Variants in TTC6 observed in about 807,000 individuals in gnomAD.
The protein encoded by TTC6 is tetratricopeptide repeat protein 6.
In TTC6, 172 loss-of-function variants were observed where a neutral mutation model predicts 210.4. The observed-to-expected ratio is 0.82, with a 90% CI of 0.72 to 0.93. TTC6 has a LOEUF of 0.93. Among genes scored for constraint, TTC6 ranks in the 40% least tolerant of loss-of-function variants. TTC6 has a pLI of 0.00. For missense variants in TTC6, 2,414 were observed against 2,318.1 expected, an observed-to-expected ratio of 1.04 and a Z score of -0.85; for synonymous variants, 804 against 819.6, an observed-to-expected ratio of 0.98 and a Z score of 0.32.
chr14:37,696,711 T>C lies in TTC6; in HGVS notation c.1258-6T>C. On this transcript the variant is annotated splice_polypyrimidine_tract_variant and splice_region_variant and intron_variant, in intron 3 of 30. Coordinates refer to ENST00000553443, the Ensembl canonical transcript of TTC6. ...TCTTAACAGCACACTTTATATTTTC[T>C]TAAAGGCAAAATCACCAGAATTCTT... is the stretch of plus-strand genomic sequence containing the variant. 1 of 1,417,980 alleles carries C rather than the reference T, an allele frequency of 7.1e-7. No homozygotes were observed. Among genetic ancestry groups the C allele is most frequent in the Non-Finnish European group, 9.2e-7 (1 of 1,081,416 alleles). The allele number at this position is 1,417,980 out of a possible 1,614,324, so 87.8% of individuals were successfully genotyped here.
intron 1 of TTC6, among the ~76,000 whole-genome samples, chr14:37,602,480 A>C (rs2095617509): frequency 6.6e-6 from 1 of 152,154 alleles, no homozygotes; most frequent in Admixed American, 6.5e-5. Flanking sequence ...CCACGAAAGC[A>C]GGAGTTGGGG....
intron 7 of TTC6, among the ~76,000 whole-genome samples, chr14:37,735,536 A>T (rs1213088153): frequency 6.6e-6 from 1 of 152,224 alleles, no homozygotes; most frequent in Non-Finnish European, 1.5e-5. Flanking sequence ...GCTTGTATTT[A>T]AAAATGAATA....
intron 15 of TTC6, among the ~76,000 whole-genome samples, chr14:37,789,924 T>A (rs2096075708): frequency 1.3e-5 from 2 of 151,996 alleles, no homozygotes; most frequent in South Asian, 4.1e-4. Flanking sequence ...TAAGGCAGAA[T>A]GTCATGAGAA....
At chr14:37,765,788 C>T (rs1237854412) in intron 14 of TTC6, among the ~76,000 whole-genome samples, 2 of 152,038 alleles carry the variant, frequency 1.3e-5, no homozygotes, top group Non-Finnish European at 2.9e-5. Context: ...ATTTCTCCTT[C>T]ATTTTTGAAG....
chr14:37,728,178 T>TAAC (rs3062803), intron 7 of TTC6, among the ~76,000 whole-genome samples: 103,286 of 151,670 alleles, frequency 0.68, 35,940 homozygotes, highest in East Asian at 0.89. Flanking sequence ...ATAATAGACT[T>TAAC]TATTATACTG....
chr14:37,775,808 G>C, intron 14 of TTC6, among the ~76,000 whole-genome samples: 1 of 151,952 alleles, frequency 6.6e-6, no homozygotes, highest in Non-Finnish European at 1.5e-5. Context: ...TCCTATGTTG[G>C]GTGCATATAT....
At chr14:37,666,784 G>A (rs1275169216) in intron 1 of TTC6, among the ~76,000 whole-genome samples, 1 of 150,356 alleles carries the variant, frequency 6.7e-6, no homozygotes, top group African/African-American at 2.4e-5. Context: ...AAGGTCCACA[G>A]CAATTCAGGG....
At chr14:37,680,629 G>A (rs1026126867) in intron 2 of TTC6, among the ~76,000 whole-genome samples, 2 of 152,144 alleles carry the variant, frequency 1.3e-5, no homozygotes, top group African/African-American at 4.8e-5. Context: ...AGCATTGCAA[G>A]GGGAGAATTT....
chr14:37,615,360 G>A (rs954045094), intron 2 of TTC6, among the ~76,000 whole-genome samples: 2 of 151,838 alleles, frequency 1.3e-5, no homozygotes, highest in African/African-American at 2.4e-5. Flanking sequence ...TTCTCTCTTT[G>A]TCACTCAGGC....
At chr14:37,759,644 C>A (rs763961443) in intron 14 of TTC6, among the ~76,000 whole-genome samples, 2 of 152,154 alleles carry the variant, frequency 1.3e-5, no homozygotes, top group Non-Finnish European at 2.9e-5. Context: ...ACCAATCAAT[C>A]GTAGGTTTGG....
chr14:37,767,256 A>G lies in TTC6; in HGVS notation c.3266+14021A>G, dbSNP rs546366697. Reference sequence around the variant, plus strand: ...GCTATTGTGAATAATGCCGCAGTAAACATACGTGTGCCTGTGTCTTTATAG... The same window carrying G: ...GCTATTGTGAATAATGCCGCAGTAAGCATACGTGTGCCTGTGTCTTTATAG... On this transcript the variant is annotated intron_variant, in intron 14 of 30. Coordinates refer to ENST00000553443, the Ensembl canonical transcript of TTC6. Among the ~76,000 whole-genome samples, 16 of 152,232 alleles carry G rather than the reference A, an allele frequency of 1.1e-4. 1 individual carries two copies. The highest frequency in any genetic ancestry group is 9.8e-4 in the Admixed American group (15 of 15,284).
intron 5 of TTC6, among the ~76,000 whole-genome samples, chr14:37,709,776 CTTTTTAAAACATA>C (rs2095841637): frequency 6.7e-6 from 1 of 149,158 alleles, no homozygotes; most frequent in Non-Finnish European, 1.5e-5. Flanking sequence ...ATTTTCTGAT[CTTTTTAAAACATA>C]CATAATATTC....
intron 10 of TTC6, among the ~76,000 whole-genome samples, chr14:37,744,713 T>A (rs931773432): frequency 1.3e-5 from 2 of 152,208 alleles, no homozygotes; most frequent in East Asian, 3.9e-4. Flanking sequence ...TGTTTATAGG[T>A]TATGGTAAAG....
intron 4 of TTC6, among the ~76,000 whole-genome samples, chr14:37,699,222 C>G (rs914314219): frequency 2.0e-5 from 3 of 152,170 alleles, no homozygotes; most frequent in South Asian, 2.1e-4. Context: ...GCACTGTATC[C>G]ATAACTGAAG....
intron 16 of TTC6, 42 bp downstream of exon 18, chr14:37,790,879 A>G: frequency 6.7e-7 from 1 of 1,487,072 alleles, no homozygotes; most frequent in Non-Finnish European, 8.9e-7. Context: ...AGTTTTGTAA[A>G]AAATCGAAAA....
intron 2 of TTC6, among the ~76,000 whole-genome samples, chr14:37,608,957 T>A (rs2095629831): frequency 6.6e-6 from 1 of 152,178 alleles, no homozygotes; most frequent in Non-Finnish European, 1.5e-5. Flanking sequence ...CTTGAATGAT[T>A]TTATGCTGCT....
Position 37,836,532 on chromosome 14 carries a change from AT to A in TTC6, c.5299-4903del, listed in dbSNP as rs199642840. On this transcript the variant is annotated intron_variant, in intron 29 of 30. Transcript: ENST00000553443. Reference sequence around the variant, plus strand: ...TGGTTAGATCTAAAGTGTAGTTTAAATTTTTTTTTTAAGTATAACTCTATTC... The same window carrying A: ...TGGTTAGATCTAAAGTGTAGTTTAAATTTTTTTTTAAGTATAACTCTATTC... Among the ~76,000 whole-genome samples, 57 of 150,772 alleles carry A rather than the reference AT, an allele frequency of 3.8e-4. 1 individual carries two copies. The highest frequency in any genetic ancestry group is 1.4e-3 in the East Asian group (7 of 5,148).
At chr14:37,732,173 C>CTTTT (rs61444309) in intron 7 of TTC6, among the ~76,000 whole-genome samples, 2 of 57,588 alleles carry the variant, frequency 3.5e-5, no homozygotes, top group African/African-American at 7.0e-5. Context: ...GTACTGTATT[C>CTTTT]TTTTTTTTTT....
chr14:37,835,839 A>C (rs774801234), intron 29 of TTC6, among the ~76,000 whole-genome samples: 41 of 152,208 alleles, frequency 2.7e-4, no homozygotes, highest in Non-Finnish European at 4.7e-4. Context: ...AATTCTCTCT[A>C]TACGGATTCA....
Sources: allele counts gnomAD v4.1 joint callset (sites outside exome capture counted in the v4.1 genomes callset), GRCh38; gene constraint gnomAD v4.1.1; transcripts MANE v1.5; gene names NCBI Gene and HGNC (gene_info 2026-07-23, HGNC 2026-07-21).